PTPRK: variants seen among roughly 807,000 people sequenced by gnomAD.
PTPRK encodes the protein protein tyrosine phosphatase receptor type K.
PTPRK carries 75 observed loss-of-function variants against 178.0 expected under a neutral mutation model. That is an observed-to-expected ratio of 0.42 (90% CI 0.35 to 0.51). The LOEUF is 0.51. Ranked by LOEUF, PTPRK falls within the 20% of genes least tolerant of loss-of-function variation. The pLI, the probability that PTPRK is intolerant of heterozygous loss-of-function variation, is 0.02. For synonymous variants in PTPRK, 637 were observed against 620.6 expected (o/e 1.03, Z -0.39); for missense variants, 1,441 against 1,797.8 (o/e 0.80, Z 3.59).
rs117730764 is a variant in PTPRK, at chr6:128,071,346, C to A, written c.1884-3554G>T. On this transcript the variant is annotated intron_variant, in intron 11 of 29. Coordinates refer to ENST00000368226, the MANE Select transcript of PTPRK (RefSeq NM_002844.4). ...CTGGGACAGCTACCCAGAAGTAGAT[C>A]TTCAGAGTCTTTTAAAGTCATCTCT... Among the ~76,000 whole-genome samples the A allele has an allele frequency of 5.9e-4, 89 of 152,112 alleles. No individual in the cohort carries two copies. The East Asian group carries it at 0.017, about 28-fold the overall frequency.
In PTPRK at chr6:128,184,649, G is replaced by A. The variant is rs773076545; in HGVS notation, c.945C>T (p.Asn315=). The A allele has an allele frequency of 6.2e-7, 1 of 1,614,012 alleles. No homozygotes were observed. Among genetic ancestry groups the A allele is most frequent in the Non-Finnish European group, 8.5e-7 (1 of 1,179,928 alleles). The part of the protein sequence containing the change: ...PTYLLIQLNA[N]SIIGDGPIIL... The stretch of plus-strand genomic sequence containing the variant: ...TGATAGGACCATCGCCAATGATCGA[G>A]TTGGCATTTAGTTGGATCAGCAAAT... Residue 315 remains asparagine, a synonymous_variant, in exon 7 of 30, where the codon AAC becomes AAT. Coordinates refer to ENST00000368226, the MANE Select transcript of PTPRK (RefSeq NM_002844.4).
chr6:128,088,780 G>A (rs1786402366), intron 8 of PTPRK, among the ~76,000 whole-genome samples: 1 of 152,026 alleles, frequency 6.6e-6, no homozygotes, highest in African/African-American at 2.4e-5. Flanking sequence ...GTAACACACA[G>A]AAATTAGACA....
intron 7 of PTPRK, 86 bp from the exon 8 acceptor site, chr6:128,090,078 T>C (rs1786660682): frequency 3.9e-6 from 4 of 1,029,296 alleles, no homozygotes; most frequent in Admixed American, 2.3e-5. Flanking sequence ...TAATATAGCA[T>C]ATGCAAATCT....
At chr6:128,277,171 A>G (rs1249090193) in intron 3 of PTPRK, among the ~76,000 whole-genome samples, 1 of 152,190 alleles carries the variant, frequency 6.6e-6, no homozygotes, top group Non-Finnish European at 1.5e-5. Context: ...TCAAGTTCAT[A>G]TAGAAAGTAA....
At chr6:128,008,732 C>A (rs1230328452) in intron 14 of PTPRK, among the ~76,000 whole-genome samples, 2 of 150,678 alleles carry the variant, frequency 1.3e-5, no homozygotes, top group Non-Finnish European at 3.0e-5. Flanking sequence ...TATTTGTAGC[C>A]AAGAAGTAGA....
intron 13 of PTPRK, among the ~76,000 whole-genome samples, chr6:128,047,717 C>T (rs1778309723): frequency 6.6e-6 from 1 of 152,158 alleles, no homozygotes; most frequent in African/African-American, 2.4e-5. Context: ...CTTTACACTA[C>T]ATATTGGAAA....
chr6:128,266,273 T>C (rs1015928822), intron 3 of PTPRK, among the ~76,000 whole-genome samples: 1 of 152,090 alleles, frequency 6.6e-6, no homozygotes, highest in Non-Finnish European at 1.5e-5. Context: ...GTAAGTGCTA[T>C]TGCTTGAACT....
intron 1 of PTPRK, among the ~76,000 whole-genome samples, chr6:128,408,679 G>T (rs1489305239): frequency 6.6e-6 from 1 of 152,110 alleles, no homozygotes; most frequent in African/African-American, 2.4e-5. Flanking sequence ...CATATGTTTA[G>T]TCCTGAGTCC....
At chr6:128,410,563 T>C (rs1008083800) in intron 1 of PTPRK, among the ~76,000 whole-genome samples, 1 of 152,208 alleles carries the variant, frequency 6.6e-6, no homozygotes, top group Admixed American at 6.5e-5. Context: ...TATGAATGAT[T>C]TGTCATGTGG....
chr6:128,319,314 C>T (rs1430773844), intron 3 of PTPRK, among the ~76,000 whole-genome samples: 1 of 152,086 alleles, frequency 6.6e-6, no homozygotes, highest in African/African-American at 2.4e-5. Flanking sequence ...ATGTATATCT[C>T]GCATTTCCCA....
At chr6:128,470,212 C>T (rs1850429775) in intron 1 of PTPRK, among the ~76,000 whole-genome samples, 1 of 151,680 alleles carries the variant, frequency 6.6e-6, no homozygotes, top group Non-Finnish European at 1.5e-5. Context: ...TGGTCTATTT[C>T]AGACCCCATT....
chr6:128,289,370 A>G (rs1048928912), intron 3 of PTPRK, among the ~76,000 whole-genome samples: 1 of 152,142 alleles, frequency 6.6e-6, no homozygotes, highest in African/African-American at 2.4e-5. Context: ...TATATGTGCT[A>G]TTCTTCAAGA....
At chr6:128,296,803 G>T (rs565257551) in intron 3 of PTPRK, among the ~76,000 whole-genome samples, 1 of 152,308 alleles carries the variant, frequency 6.6e-6, no homozygotes, top group Non-Finnish European at 1.5e-5. Flanking sequence ...AGGCTAGGAA[G>T]AAACTATATC....
At chr6:128,397,767 T>G (rs1210547467) in intron 1 of PTPRK, 79 bp from the exon 2 acceptor site, 2 of 1,355,242 alleles carry the variant, frequency 1.5e-6, no homozygotes, top group Non-Finnish European at 2.1e-6. Flanking sequence ...GGAAATGTTA[T>G]ATTGATATAT....
intron 1 of PTPRK, among the ~76,000 whole-genome samples, chr6:128,494,201 T>TAAAAAAAAAAAAAAA (rs11301155): frequency 8.9e-5 from 10 of 112,940 alleles, no homozygotes; most frequent in South Asian, 2.9e-4. Context: ...CCCTGTATCT[T>TAAAAAAAAAAAAAAA]AAAAAAAAAA....
At chr6:128,232,449 C>T (rs559792494) in intron 5 of PTPRK, among the ~76,000 whole-genome samples, 2 of 152,244 alleles carry the variant, frequency 1.3e-5, no homozygotes, top group South Asian at 2.1e-4. Flanking sequence ...CATATGCTTA[C>T]CCAGATTATG....
At chr6:128,261,239 T>C (rs1268974848) in intron 3 of PTPRK, among the ~76,000 whole-genome samples, 3 of 152,196 alleles carry the variant, frequency 2.0e-5, no homozygotes, top group African/African-American at 2.4e-5. Context: ...TTGGTTCATA[T>C]GATTAAAGAT....
Position 128,120,306 on chromosome 6 carries a change from A to G in PTPRK, c.1163-30314T>C, listed in dbSNP as rs576885064. ...AAAATTGTATTCTTAAAGGTATTCT[A>G]TGTAGGACAGCTTTCTTCTTTTAAC... is the stretch of plus-strand genomic sequence containing the variant. On this transcript the variant is annotated intron_variant, in intron 7 of 29. Coordinates refer to ENST00000368226, the MANE Select transcript of PTPRK (RefSeq NM_002844.4). Among the ~76,000 whole-genome samples, 38 of 152,052 alleles carry G rather than the reference A, an allele frequency of 2.5e-4. 1 individual carries two copies. The South Asian group carries it at 6.6e-3, about 27-fold the overall frequency.
At chr6:128,506,761 C>G (rs1253293655) in intron 1 of PTPRK, among the ~76,000 whole-genome samples, 2 of 150,688 alleles carry the variant, frequency 1.3e-5, no homozygotes, top group African/African-American at 4.9e-5. Context: ...GGATTATATT[C>G]TATAAAGTGA....
Sources: allele counts gnomAD v4.1 joint callset (sites outside exome capture counted in the v4.1 genomes callset), GRCh38; gene constraint gnomAD v4.1.1; transcripts MANE v1.5; gene names NCBI Gene and HGNC (gene_info 2026-07-23, HGNC 2026-07-21).